CCSER1: variants seen among roughly 807,000 people sequenced by gnomAD.
The protein encoded by CCSER1 is coiled-coil serine rich protein 1, also known as serine-rich coiled-coil domain-containing protein 1.
A neutral mutation model predicts 82.0 loss-of-function variants in CCSER1; 41 were observed. The ratio of observed to expected loss-of-function variants is 0.50; its 90% CI spans 0.39 to 0.65. CCSER1 has a LOEUF of 0.65. CCSER1 is among the 30% of genes least tolerant of loss of function. The pLI, the probability that CCSER1 is intolerant of heterozygous loss-of-function variation, is 0.00. For synonymous variants in CCSER1, 414 were observed against 383.9 expected (o/e 1.08, Z -0.92); for missense variants, 1,119 against 1,064.2 (o/e 1.05, Z -0.72).
At chr4:90,231,301 G>T (rs1040638473) in intron 1 of CCSER1, among the ~76,000 whole-genome samples, 1 of 152,116 alleles carries the variant, frequency 6.6e-6, no homozygotes, top group Non-Finnish European at 1.5e-5. Flanking sequence ...TCCCTGGGAT[G>T]CAAGGATGGT....
chr4:90,232,832 T>C (rs1165983588), intron 1 of CCSER1, among the ~76,000 whole-genome samples: 1 of 151,626 alleles, frequency 6.6e-6, no homozygotes, highest in Non-Finnish European at 1.5e-5. Flanking sequence ...CAGACACTTC[T>C]CAAAAGAAGA....
intron 10 of CCSER1, among the ~76,000 whole-genome samples, chr4:91,522,073 G>A (rs1225074481): frequency 1.3e-5 from 2 of 152,132 alleles, no homozygotes; most frequent in South Asian, 2.1e-4. Flanking sequence ...TGAAAGGAAG[G>A]GATCCAGTTT....
At chr4:91,413,972 A>C (rs532502373) in intron 10 of CCSER1, among the ~76,000 whole-genome samples, 1 of 152,290 alleles carries the variant, frequency 6.6e-6, no homozygotes, top group African/African-American at 2.4e-5. Flanking sequence ...AAGAAAAGAT[A>C]AAGACATTAT....
Position 91,010,437 on chromosome 4 carries a change from T to C in CCSER1, c.2173-75513T>C, listed in dbSNP as rs757160449. ...TTTGGCAACTTTTGTGTTTCATGTA[T>C]CTGGAAATCCATATCTCTTTGAAGA... On this transcript the variant is annotated intron_variant, in intron 9 of 10. Coordinates refer to ENST00000509176, the MANE Select transcript of CCSER1 (RefSeq NM_001145065.2). 7.3e-5 allele frequency among the ~76,000 whole-genome samples: 6 copies of C among 82,550 alleles called. 2 individuals are homozygous for C. The highest frequency in any genetic ancestry group is 2.2e-4 in the Non-Finnish European group (6 of 27,792). 54.2% of individuals were successfully genotyped at this position (82,550 alleles called of 152,430 possible). A position where few individuals can be genotyped will look rare whatever the true frequency, so the allele number is the denominator to read the frequency against.
At chr4:90,780,378 A>T in intron 7 of CCSER1, 1 of 1,530,172 alleles carries the variant, frequency 6.5e-7, no homozygotes. Context: ...CCCCAAAATA[A>T]TTCAAGCAAA....
intron 9 of CCSER1, among the ~76,000 whole-genome samples, chr4:91,005,044 T>C (rs751224159): frequency 3.3e-5 from 5 of 152,198 alleles, no homozygotes; most frequent in Non-Finnish European, 7.3e-5. Flanking sequence ...TGGACATCCC[T>C]TTCCAAATTC....
At chr4:91,445,199 C>T (rs1422540859) in intron 10 of CCSER1, among the ~76,000 whole-genome samples, 1 of 152,048 alleles carries the variant, frequency 6.6e-6, no homozygotes, top group Admixed American at 6.6e-5. Flanking sequence ...TAGGGCTTTT[C>T]TTGCCTGCTG....
chr4:90,605,280 AACC>A (rs1249014737), intron 5 of CCSER1, among the ~76,000 whole-genome samples: 1 of 152,348 alleles, frequency 6.6e-6, no homozygotes, highest in African/African-American at 2.4e-5. Context: ...CAGACCAAGA[AACC>A]ACCAATTGTG....
chr4:90,207,361 C>G (rs1739059206), intron 1 of CCSER1, among the ~76,000 whole-genome samples: 1 of 152,182 alleles, frequency 6.6e-6, no homozygotes, highest in South Asian at 2.1e-4. Context: ...TTATGTTCTT[C>G]TCTAAACTGG....
chr4:91,535,050 A>G (rs1303295205), intron 10 of CCSER1, among the ~76,000 whole-genome samples: 3 of 152,008 alleles, frequency 2.0e-5, no homozygotes, highest in Non-Finnish European at 2.9e-5. Context: ...TTTGTGTTAC[A>G]TGTGTAAGTA....
chr4:90,513,813 A>G (rs1260891943), intron 5 of CCSER1, among the ~76,000 whole-genome samples: 1 of 152,212 alleles, frequency 6.6e-6, no homozygotes, highest in African/African-American at 2.4e-5. Flanking sequence ...TGTGAGGGAC[A>G]TGATGGACAA....
intron 6 of CCSER1, among the ~76,000 whole-genome samples, chr4:90,636,139 C>T (rs943337134): frequency 6.6e-6 from 1 of 151,856 alleles, no homozygotes; most frequent in Admixed American, 6.6e-5. Context: ...ATCCTGCAGA[C>T]ATCAACATGA....
At chr4:90,701,015 T>C (rs1737987567) in intron 6 of CCSER1, among the ~76,000 whole-genome samples, 1 of 152,198 alleles carries the variant, frequency 6.6e-6, no homozygotes, top group Admixed American at 6.5e-5. Flanking sequence ...ATTTTGGCTT[T>C]TGTTGCCATT....
chr4:91,079,591 G>A lies in CCSER1; in HGVS notation c.2173-6359G>A, dbSNP rs183842362. Among the ~76,000 whole-genome samples, 64 of 152,264 alleles carry A rather than the reference G, an allele frequency of 4.2e-4. No homozygotes were observed. In the East Asian group the frequency reaches 0.011, roughly 27 times the overall value. On this transcript the variant is annotated intron_variant, in intron 9 of 10. Transcript: ENST00000509176. ...AACAATATGAATCTTAAATGTAAAT[G>A]GGCTAAATGCTCCAAATAAAAGACA... is the stretch of plus-strand genomic sequence containing the variant.
intron 10 of CCSER1, among the ~76,000 whole-genome samples, chr4:91,565,465 A>G (rs1158590473): frequency 2.0e-5 from 3 of 152,100 alleles, no homozygotes; most frequent in Non-Finnish European, 2.9e-5. Flanking sequence ...TAAGAATAGT[A>G]TTGAATCTGT....
chr4:90,587,600 T>G (rs1345981050), intron 5 of CCSER1, among the ~76,000 whole-genome samples: 1 of 152,176 alleles, frequency 6.6e-6, no homozygotes, highest in East Asian at 1.9e-4. Flanking sequence ...TTATTTAGGG[T>G]TCAATAAATG....
chr4:90,589,181 A>G (rs2148678416), intron 5 of CCSER1, among the ~76,000 whole-genome samples: 1 of 152,274 alleles, frequency 6.6e-6, no homozygotes, highest in South Asian at 2.1e-4. Context: ...TAAAGGAGGA[A>G]AGCATTTATT....
chr4:91,472,185 A>G (rs1306620487), intron 10 of CCSER1, among the ~76,000 whole-genome samples: 1 of 152,080 alleles, frequency 6.6e-6, no homozygotes. Flanking sequence ...GACTTTGCCA[A>G]CTGGTGAGCT....
At chr4:91,064,262 A>C (rs1561515267) in intron 9 of CCSER1, among the ~76,000 whole-genome samples, 1 of 152,186 alleles carries the variant, frequency 6.6e-6, no homozygotes, top group Non-Finnish European at 1.5e-5. Context: ...CTCCCATATC[A>C]TGAGTCCCAA....
Sources: gnomAD v4.1 joint callset for allele counts (sites outside exome capture counted in the v4.1 genomes callset) on GRCh38, gnomAD v4.1.1 for gene constraint, MANE v1.5 for transcripts, NCBI Gene and HGNC (gene_info 2026-07-23, HGNC 2026-07-21) for gene names.